CRPPA: variants seen among roughly 807,000 people sequenced by gnomAD.
The protein encoded by CRPPA is CDP-L-ribitol pyrophosphorylase A, also known as D-ribitol-5-phosphate cytidylyltransferase.
In CRPPA, 43 loss-of-function variants were observed where a neutral mutation model predicts 52.0. The observed-to-expected ratio is 0.83, with a 90% CI of 0.65 to 1.07. CRPPA has a LOEUF of 1.07. CRPPA is among the 50% of genes least tolerant of loss of function. CRPPA has a pLI of 0.00. For missense variants in CRPPA, 629 were observed against 551.7 expected, an observed-to-expected ratio of 1.14 and a Z score of -1.40; for synonymous variants, 250 against 203.5, an observed-to-expected ratio of 1.23 and a Z score of -1.94.
At chr7:16,345,016 A>T (rs768744170) in intron 3 of CRPPA, among the ~76,000 whole-genome samples, 2 of 152,180 alleles carry the variant, frequency 1.3e-5, no homozygotes, top group African/African-American at 2.4e-5. Flanking sequence ...TCAAACTACA[A>T]GCAGGATAAA....
chr7:16,226,953 A>G (rs548404155), intron 8 of CRPPA, among the ~76,000 whole-genome samples: 2 of 152,012 alleles, frequency 1.3e-5, no homozygotes, highest in Non-Finnish European at 2.9e-5. Flanking sequence ...CTGCCATAGT[A>G]TCAACTCTTT....
At chr7:16,179,699 A>C (rs1373807443) in intron 9 of CRPPA, among the ~76,000 whole-genome samples, 1 of 152,096 alleles carries the variant, frequency 6.6e-6, no homozygotes, top group African/African-American at 2.4e-5. Flanking sequence ...ATAAAATAAT[A>C]AATCTGTTGT....
chr7:16,389,913 C>CAAAAAAAAAAAAAAAAA lies in CRPPA; in HGVS notation c.535-13673_535-13672insTTTTTTTTTTTTTTTTT, dbSNP rs1163092089. 6.7e-4 allele frequency among the ~76,000 whole-genome samples: 23 copies of CAAAAAAAAAAAAAAAAA among 34,304 alleles called. 2 individuals carry two copies. Among genetic ancestry groups the CAAAAAAAAAAAAAAAAA allele is most frequent in the African/African-American group, 2.0e-3 (9 of 4,522 alleles). The allele number at this position is 34,304 out of a possible 152,430, so 22.5% of individuals were successfully genotyped here. ...GGATACAGAGAACAAGCCTAGTATA[C>CAAAAAAAAAAAAAAAAA]AAAAAAAAAAAAAAAATATATATAT... is the stretch of plus-strand genomic sequence containing the variant. On this transcript the variant is annotated intron_variant, in intron 2 of 9. Transcript: ENST00000407010.
chr7:16,201,912 T>C (rs1285351569), intron 9 of CRPPA, among the ~76,000 whole-genome samples: 1 of 152,226 alleles, frequency 6.6e-6, no homozygotes, highest in African/African-American at 2.4e-5. Context: ...CAGTACCAGG[T>C]TGAATAGAAA....
intron 5 of CRPPA, among the ~76,000 whole-genome samples, chr7:16,297,938 A>T (rs1241589175): frequency 6.6e-6 from 1 of 152,218 alleles, no homozygotes; most frequent in East Asian, 1.9e-4. Flanking sequence ...ATCTCTGTAT[A>T]TCCTGCTGGT....
At chr7:16,155,275 G>A (rs1200900109) in intron 9 of CRPPA, among the ~76,000 whole-genome samples, 1 of 152,092 alleles carries the variant, frequency 6.6e-6, no homozygotes, top group African/African-American at 2.4e-5. Flanking sequence ...AAAAATTTCT[G>A]CATATCATAT....
At chr7:16,234,487 C>T (rs1202779262) in intron 8 of CRPPA, among the ~76,000 whole-genome samples, 1 of 152,026 alleles carries the variant, frequency 6.6e-6, no homozygotes, top group African/African-American at 2.4e-5. Context: ...TAATTGAATT[C>T]TACTAAAAAG....
intron 5 of CRPPA, among the ~76,000 whole-genome samples, chr7:16,292,982 G>C (rs927338574): frequency 1.3e-5 from 2 of 152,002 alleles, no homozygotes; most frequent in African/African-American, 4.8e-5. Context: ...AATACGTAAA[G>C]TTTCTAATAC....
intron 3 of CRPPA, among the ~76,000 whole-genome samples, chr7:16,331,410 T>G (rs1283880871): frequency 6.6e-6 from 1 of 152,176 alleles, no homozygotes; most frequent in African/African-American, 2.4e-5. Flanking sequence ...GTATATTTAC[T>G]GCAGATCCTT....
chr7:16,274,467 C>G (rs1408381091), intron 6 of CRPPA, among the ~76,000 whole-genome samples: 2 of 152,108 alleles, frequency 1.3e-5, no homozygotes, highest in Non-Finnish European at 2.9e-5. Flanking sequence ...GGAACGATAT[C>G]TCCTTTCAAG....
At chr7:16,200,435 G>A (rs897312144) in intron 9 of CRPPA, among the ~76,000 whole-genome samples, 1 of 152,072 alleles carries the variant, frequency 6.6e-6, no homozygotes, top group Non-Finnish European at 1.5e-5. Context: ...TAGTAACATC[G>A]ACAATGATCA....
chr7:16,316,683 G>A (rs1785151315), intron 3 of CRPPA, among the ~76,000 whole-genome samples: 1 of 151,950 alleles, frequency 6.6e-6, no homozygotes, highest in Non-Finnish European at 1.5e-5. Context: ...GCAACAAAGC[G>A]ATTCTCTACA....
chr7:16,090,586 G>T lies in CRPPA; in HGVS notation c.*1109C>A, dbSNP rs1781816739. 6.6e-6 allele frequency: 1 copy of T among 151,342 alleles called. No homozygotes were observed. The highest frequency in any genetic ancestry group is 1.5e-5 in the Non-Finnish European group (1 of 68,100). The allele number at this position is 151,342 out of a possible 1,614,324, so 9.4% of individuals were successfully genotyped here. On this transcript the variant is annotated 3_prime_UTR_variant, in exon 10 of 10. Transcript: ENST00000407010. Reference sequence around the variant, plus strand: ...AAAAAAAAAAAAATTAGCCAGGTGTGGTGGCAGGTGCCTGTAATCCCAGCT... The same window carrying T: ...AAAAAAAAAAAAATTAGCCAGGTGTTGTGGCAGGTGCCTGTAATCCCAGCT...
At chr7:16,316,600 G>A (rs1211930329) in intron 3 of CRPPA, among the ~76,000 whole-genome samples, 5 of 152,048 alleles carry the variant, frequency 3.3e-5, no homozygotes, top group African/African-American at 7.2e-5. Flanking sequence ...GGTGTTTCAT[G>A]CCTGTAATCT....
chr7:16,104,899 CAAAGAAAAAAAAA>C (rs372096230), intron 9 of CRPPA, among the ~76,000 whole-genome samples: 2 of 117,284 alleles, frequency 1.7e-5, no homozygotes, highest in Admixed American at 1.8e-4. Context: ...GACTCCATCT[CAAAGAAAAAAAAA>C]AAAGAAAAAA....
At chr7:16,115,147 C>T (rs563792793) in intron 9 of CRPPA, among the ~76,000 whole-genome samples, 1 of 151,996 alleles carries the variant, frequency 6.6e-6, no homozygotes, top group East Asian at 1.9e-4. Flanking sequence ...AAATAAAGAA[C>T]CAAACTGAAG....
intron 3 of CRPPA, among the ~76,000 whole-genome samples, chr7:16,334,259 C>A (rs147194105): frequency 6.6e-6 from 1 of 152,048 alleles, no homozygotes; most frequent in African/African-American, 2.4e-5. Context: ...TACAGGTCAG[C>A]GATTATGTGC....
chr7:16,359,188 CAT>C (rs1786379623), intron 3 of CRPPA, among the ~76,000 whole-genome samples: 1 of 152,168 alleles, frequency 6.6e-6, no homozygotes, highest in African/African-American at 2.4e-5. Context: ...GTGGTGCAAT[CAT>C]AGCTCACTGT....
At chr7:16,304,090 G>T (rs904992353) in intron 4 of CRPPA, among the ~76,000 whole-genome samples, 4 of 152,068 alleles carry the variant, frequency 2.6e-5, no homozygotes, top group Non-Finnish European at 4.4e-5. Context: ...AGTAAATGGG[G>T]TCACAAATAT....
Sources: gnomAD v4.1 joint callset for allele counts (sites outside exome capture counted in the v4.1 genomes callset) on GRCh38, gnomAD v4.1.1 for gene constraint, MANE v1.5 for transcripts, NCBI Gene and HGNC (gene_info 2026-07-23, HGNC 2026-07-21) for gene names.